Variants in FRYL observed in about 807,000 individuals in gnomAD.
FRYL encodes FRY like transcription coactivator, also known as protein furry homolog-like.
A neutral mutation model predicts 351.2 loss-of-function variants in FRYL; 150 were observed. The observed-to-expected ratio is 0.43, with a 90% CI of 0.37 to 0.49. The LOEUF (loss-of-function observed/expected upper bound fraction) is 0.49. FRYL is among the 20% of genes least tolerant of loss of function. FRYL has a pLI of 0.00. For missense variants in FRYL, 3,036 were observed against 3,619.3 expected, an observed-to-expected ratio of 0.84 and a Z score of 4.13; for synonymous variants, 1,153 against 1,257.1, an observed-to-expected ratio of 0.92 and a Z score of 1.75.
intron 35 of FRYL, among the ~76,000 whole-genome samples, chr4:48,553,684 C>G (rs1279735867): frequency 1.3e-5 from 2 of 151,052 alleles, no homozygotes; most frequent in East Asian, 3.9e-4. Flanking sequence ...CAAAAAAATA[C>G]TTTTCTGTAA....
At chr4:48,720,959 A>C (rs1769400849) in intron 1 of FRYL, among the ~76,000 whole-genome samples, 1 of 152,248 alleles carries the variant, frequency 6.6e-6, no homozygotes, top group Non-Finnish European at 1.5e-5. Flanking sequence ...CTTGATAATT[A>C]GGTATGTTGC....
At chr4:48,671,858 C>CAAAACAA (rs1762753377) in intron 3 of FRYL, among the ~76,000 whole-genome samples, 2 of 22,398 alleles carry the variant, frequency 8.9e-5, no homozygotes, top group Non-Finnish European at 8.9e-5. Flanking sequence ...GTCTCAAAAA[C>CAAAACAA]AAAAAAAAAA....
chr4:48,719,539 T>C (rs1173974014), intron 1 of FRYL, among the ~76,000 whole-genome samples: 2 of 151,676 alleles, frequency 1.3e-5, no homozygotes, highest in African/African-American at 2.4e-5. Context: ...ACAAATGTTA[T>C]TACTCTTGTT....
Position 48,557,058 on chromosome 4 carries a change from A to G in FRYL, c.4186T>C (p.Trp1396Arg). 6.2e-7 allele frequency: 1 copy of G among 1,608,474 alleles called. No individual in the cohort carries two copies. Among genetic ancestry groups the G allele is most frequent in the African/African-American group, 1.4e-5 (1 of 74,024 alleles). ...AAAATTATTTTCAGGTTTTTGGGCC[A>G]GCCATCTGCAAGTGTGGTCCACACA... ...ENVWTTLADG[W>R]PKNLKIILHF... The change falls in exon 35 of 64, where the codon TGG becomes CGG. Residue 1396 changes from tryptophan to arginine, a missense_variant. Trp to Arg is a moderately radical substitution (Grantham distance 101, BLOSUM62 -3). Around this residue, in one of 7 missense-constraint regions of FRYL, gnomAD observed 1,987 missense variants for 2,311.7 expected, o/e 0.86. Coordinates refer to ENST00000358350, the MANE Select transcript of FRYL (RefSeq NM_015030.2).
At chr4:48,764,309 G>GC (rs1774721807) in intron 1 of FRYL, among the ~76,000 whole-genome samples, 1 of 152,084 alleles carries the variant, frequency 6.6e-6, no homozygotes, top group Non-Finnish European at 1.5e-5. Context: ...CAGGAGGACT[G>GC]CTTGAGTCCA....
chr4:48,575,323 G>A (rs907926838), intron 24 of FRYL, 82 bp from the exon 25 acceptor site: 5 of 1,429,606 alleles, frequency 3.5e-6, no homozygotes, highest in Non-Finnish European at 4.9e-6. Flanking sequence ...GTAGTCTTAT[G>A]TCAAGGATAA....
intron 3 of FRYL, among the ~76,000 whole-genome samples, chr4:48,640,084 T>C (rs1224904456): frequency 6.6e-6 from 1 of 152,140 alleles, no homozygotes; most frequent in African/African-American, 2.4e-5. Context: ...ACAGACACTT[T>C]AAAAGATATT....
chr4:48,523,013 T>A lies in FRYL; in HGVS notation c.7409A>T (p.Gln2470Leu). ...KGDTPSLQEY[Q>L]CSSSTPSLNL... ...CAGGCTGGGGGTGCTACTAGAGCACTGGTACTCCTGGAGGGATGGAGTGTC... is the reference window on the plus strand; with the variant it reads ...CAGGCTGGGGGTGCTACTAGAGCACAGGTACTCCTGGAGGGATGGAGTGTC... The change falls in exon 54 of 64, where the codon CAG becomes CTG. Residue 2470 changes from glutamine to leucine, a missense_variant. Transcript: ENST00000358350. The A allele has an allele frequency of 6.2e-7, 1 of 1,613,706 alleles. No homozygotes were observed.
chr4:48,696,444 G>A (rs376813269), intron 2 of FRYL, among the ~76,000 whole-genome samples: 24 of 152,186 alleles, frequency 1.6e-4, no homozygotes, highest in East Asian at 1.2e-3. Flanking sequence ...ACCAAATACC[G>A]CATGTTCTCA....
chr4:48,683,076 A>C (rs1175472749), intron 3 of FRYL, among the ~76,000 whole-genome samples: 1 of 152,226 alleles, frequency 6.6e-6, no homozygotes, highest in Non-Finnish European at 1.5e-5. Flanking sequence ...ATACCATAGA[A>C]TACTATGCAG....
chr4:48,698,271 A>G lies in FRYL; in HGVS notation c.-204+12248T>C, dbSNP rs1766397093. On this transcript the variant is annotated intron_variant, in intron 2 of 63. Coordinates refer to ENST00000358350, the MANE Select transcript of FRYL (RefSeq NM_015030.2). Reference sequence around the variant, plus strand: ...TACCAGAAGACTTACTATAGCCACAATCTGTAACTACGCGAATGGGTTCTT... The same window carrying G: ...TACCAGAAGACTTACTATAGCCACAGTCTGTAACTACGCGAATGGGTTCTT... 2.0e-5 allele frequency among the ~76,000 whole-genome samples: 3 copies of G among 152,244 alleles called. No homozygotes were observed. The South Asian group carries it at 6.2e-4, about 32-fold the overall frequency.
chr4:48,726,304 T>C (rs914595259), intron 1 of FRYL, among the ~76,000 whole-genome samples: 2 of 152,248 alleles, frequency 1.3e-5, no homozygotes, highest in Non-Finnish European at 2.9e-5. Flanking sequence ...TGAAGAATTT[T>C]ACTTTCCTTT....
chr4:48,744,952 G>A (rs1237406684), intron 1 of FRYL, among the ~76,000 whole-genome samples: 1 of 152,102 alleles, frequency 6.6e-6, no homozygotes, highest in African/African-American at 2.4e-5. Flanking sequence ...AGGCGGCAAA[G>A]GATAATAGAT....
intron 7 of FRYL, among the ~76,000 whole-genome samples, chr4:48,610,640 AGTATATATGTATATATT>A (rs1747888402): frequency 6.8e-6 from 1 of 147,200 alleles, no homozygotes; most frequent in African/African-American, 2.5e-5. Context: ...ATGTATATAT[AGTATATATGTATATATT>A]GTATATATAC....
At chr4:48,576,588 G>T (rs1739661114) in intron 23 of FRYL, among the ~76,000 whole-genome samples, 1 of 152,164 alleles carries the variant, frequency 6.6e-6, no homozygotes, top group South Asian at 2.1e-4. Flanking sequence ...TTACAGGGGT[G>T]AGCCACCATG....
At chr4:48,553,915 A>T (rs1733490955) in intron 35 of FRYL, among the ~76,000 whole-genome samples, 1 of 152,216 alleles carries the variant, frequency 6.6e-6, no homozygotes, top group African/African-American at 2.4e-5. Context: ...TAACTCTATC[A>T]TTGGAAAGTT....
At chr4:48,733,202 G>A (rs1770929763) in intron 1 of FRYL, among the ~76,000 whole-genome samples, 1 of 151,802 alleles carries the variant, frequency 6.6e-6, no homozygotes, top group African/African-American at 2.4e-5. Context: ...TTGTACTCGG[G>A]AGGTGGAGAC....
chr4:48,510,794 C>T, intron 58 of FRYL, 41 bp downstream of exon 58: 3 of 1,483,742 alleles, frequency 2.0e-6, no homozygotes, highest in Non-Finnish European at 9.3e-7. Flanking sequence ...TGATGCCATT[C>T]CAATGTAGTC....
chr4:48,648,163 T>C (rs41394649), intron 3 of FRYL, among the ~76,000 whole-genome samples: 4,567 of 152,210 alleles, frequency 0.03, 235 homozygotes, highest in African/African-American at 0.1. Flanking sequence ...ATCTCACATA[T>C]AGTCTCTTTC....
Sources: allele counts gnomAD v4.1 joint callset (sites outside exome capture counted in the v4.1 genomes callset), GRCh38; gene constraint gnomAD v4.1.1; regional missense constraint gnomAD v4.1.1; transcripts MANE v1.5; gene names NCBI Gene and HGNC (gene_info 2026-07-23, HGNC 2026-07-21).